TMEM11: variants seen among roughly 807,000 people sequenced by gnomAD.
The protein encoded by TMEM11 is transmembrane protein 11, also known as transmembrane protein 11, mitochondrial.
A neutral mutation model predicts 17.0 loss-of-function variants in TMEM11; 1 was observed. That is an observed-to-expected ratio of 0.06 (90% confidence interval 0.02 to 0.28). TMEM11 has a LOEUF of 0.28. Ranked by LOEUF, TMEM11 falls within the 10% of genes least tolerant of loss-of-function variation. The pLI, the probability that TMEM11 is intolerant of heterozygous loss-of-function variation, is 1.00. For missense variants in TMEM11, 172 were observed against 252.9 expected (o/e 0.68, Z 2.17); for synonymous variants, 122 against 118.1 (o/e 1.03, Z -0.21).
At chr17:21,211,287 C>T (rs1187734405) in intron 1 of TMEM11, 9 of 1,220,378 alleles carry the variant, frequency 7.4e-6, no homozygotes, top group Non-Finnish European at 9.7e-6. Flanking sequence ...TTGCTATTTC[C>T]ACCCCTCCTA....
At chr17:21,202,354 A>C (rs1974891299) in intron 1 of TMEM11, among the ~76,000 whole-genome samples, 1 of 152,114 alleles carries the variant, frequency 6.6e-6, no homozygotes, top group African/African-American at 2.4e-5. Context: ...CTCAAAGCAA[A>C]AGGGAGGTGT....
At chr17:21,206,291 G>A (rs1165903145) in intron 1 of TMEM11, among the ~76,000 whole-genome samples, 2 of 152,080 alleles carry the variant, frequency 1.3e-5, no homozygotes, top group African/African-American at 2.4e-5. Context: ...GCGCTATCTC[G>A]ACTCACTGCA....
At position 21,198,076 on chromosome 17, in the gene TMEM11, A is replaced by G. The variant is rs904758551; in HGVS notation, c.*248T>C. 6.0e-6 allele frequency: 3 copies of G among 501,240 alleles called. No homozygotes were observed. The East Asian group carries it at 9.8e-5, about 16-fold the overall frequency. 31.0% of individuals were successfully genotyped at this position (501,240 alleles called of 1,614,324 possible). On this transcript the variant is annotated 3_prime_UTR_variant, in exon 2 of 2. Coordinates refer to ENST00000317635, the MANE Select transcript of TMEM11 (RefSeq NM_003876.3). The surrounding 1 kb of genome is among the most constrained non-coding windows in gnomAD (Gnocchi z 6.5). ...CACCCCCTCGGCAGCGTCTGCCTCC[A>G]TCAGCATTCCACTGCCCAGTCGGAC...
At chr17:21,208,463 G>A (rs1470111416) in intron 1 of TMEM11, 3 of 152,148 alleles carry the variant, frequency 2.0e-5, no homozygotes, top group Non-Finnish European at 4.4e-5. Context: ...AACCTTCTCG[G>A]TGTCCATGAA....
At chr17:21,199,848 A>G (rs1974864070) in intron 1 of TMEM11, among the ~76,000 whole-genome samples, 1 of 152,194 alleles carries the variant, frequency 6.6e-6, no homozygotes, top group South Asian at 2.1e-4. Context: ...CTTTCCTTGA[A>G]TTAGGAAAAG....
chr17:21,209,523 T>C (rs922738763), intron 1 of TMEM11, among the ~76,000 whole-genome samples: 1 of 152,172 alleles, frequency 6.6e-6, no homozygotes, highest in African/African-American at 2.4e-5. Context: ...TCCCAGCACT[T>C]TGGGAGGCCA....
chr17:21,207,996 CTTTT>C (rs34994696), intron 1 of TMEM11, among the ~76,000 whole-genome samples: 2 of 129,850 alleles, frequency 1.5e-5, no homozygotes, highest in Admixed American at 1.5e-4. Flanking sequence ...AAAAGTGTTT[CTTTT>C]TTTTTTTTTT....
intron 1 of TMEM11, among the ~76,000 whole-genome samples, chr17:21,204,437 A>T (rs997745244): frequency 2.9e-5 from 2 of 67,962 alleles, no homozygotes; most frequent in African/African-American, 1.0e-4. Flanking sequence ...CGTCTCAATA[A>T]AAAAAAAAAA....
intron 1 of TMEM11, 103 bp downstream of exon 1, chr17:21,213,988 G>A (rs1481899233): frequency 4.4e-6 from 5 of 1,132,842 alleles, no homozygotes; most frequent in Non-Finnish European, 6.2e-6. Flanking sequence ...GGGGGAGCGC[G>A]GGGAAACCAG....
chr17:21,214,022 C>T, intron 1 of TMEM11, 69 bp downstream of exon 1: 1 of 1,469,402 alleles, frequency 6.8e-7, no homozygotes, highest in Non-Finnish European at 9.2e-7. Flanking sequence ...CTGCAGCCCT[C>T]GGAGGCCGCG....
rs1004043767 is a variant in TMEM11, at chr17:21,213,849, G to A, written c.62+242C>T. 18 of 511,732 alleles carry A rather than the reference G, an allele frequency of 3.5e-5. No individual in the cohort carries two copies. In the Admixed American group the frequency reaches 6.8e-4, roughly 19 times the overall value. 31.7% of individuals were successfully genotyped at this position (511,732 alleles called of 1,614,324 possible). A position where few individuals can be genotyped will look rare whatever the true frequency, so the allele number is the denominator to read the frequency against. ...CCCGGCCTCGGGCCCCGCCCCGCAT[G>A]GCCGCTGCCTACCTTACTCAGCCCG... is the stretch of plus-strand genomic sequence containing the variant. On this transcript the variant is annotated intron_variant, in intron 1 of 1. Coordinates refer to ENST00000317635, the MANE Select transcript of TMEM11 (RefSeq NM_003876.3).
chr17:21,201,238 C>A (rs8067798), intron 1 of TMEM11, among the ~76,000 whole-genome samples: 1,748 of 152,342 alleles, frequency 0.011, 42 homozygotes, highest in African/African-American at 0.04. Context: ...GGGTGGGAAC[C>A]ACTTTCATAA....
chr17:21,210,904 A>G (rs1373614061), intron 1 of TMEM11: 3 of 1,252,234 alleles, frequency 2.4e-6, no homozygotes, highest in African/African-American at 3.1e-5. Flanking sequence ...GATTATAAAA[A>G]CAGGAACTCA....
At chr17:21,204,245 C>T (rs1974917412) in intron 1 of TMEM11, among the ~76,000 whole-genome samples, 1 of 151,298 alleles carries the variant, frequency 6.6e-6, no homozygotes, top group Admixed American at 6.6e-5. Flanking sequence ...ACCAGCCTGG[C>T]TAACACGGTG....
intron 1 of TMEM11, chr17:21,211,048 G>A (rs560494883): frequency 1.0e-5 from 13 of 1,289,814 alleles, no homozygotes; most frequent in African/African-American, 3.0e-5. Flanking sequence ...GCTGGCACAC[G>A]GTGGCAGAAC....
chr17:21,201,806 T>A (rs1409972755), intron 1 of TMEM11, among the ~76,000 whole-genome samples: 2 of 152,072 alleles, frequency 1.3e-5, no homozygotes, highest in South Asian at 2.1e-4. Flanking sequence ...ATTAAAAAAA[T>A]TTTGTTGTAC....
rs746907195 is a variant in TMEM11, at chr17:21,198,327, T to A, written c.576A>T (p.Val192=). The A allele has an allele frequency of 1.2e-6, 2 of 1,609,110 alleles. No homozygotes were observed. Among genetic ancestry groups the A allele is most frequent in the South Asian group, 2.2e-5 (2 of 90,946 alleles). ...CVKKIYELYA[V] The stretch of plus-strand genomic sequence containing the variant: ...TTCGCTCCCTGTTCTACTGAAATCA[T>A]ACGGCATAGAGTTCGTAAATCTTCT... The change falls in exon 2 of 2, where the codon GTA becomes GTT. Residue 192 remains valine (V), a synonymous_variant. Coordinates refer to ENST00000317635, the MANE Select transcript of TMEM11 (RefSeq NM_003876.3). This position sits in a 1 kb window ranked among gnomAD's most constrained non-coding sequence, Gnocchi z 6.5.
rs1341135186 is a variant in TMEM11, at chr17:21,198,805, T to C, written c.98A>G (p.His33Arg). Residue 33 changes from histidine (H) to arginine (R), a missense_variant, in exon 2 of 2, where the codon CAT (histidine) becomes CGT (arginine). Transcript: ENST00000317635. This position sits in a 1 kb window ranked among gnomAD's most constrained non-coding sequence, Gnocchi z 6.5. ...SLSATDCYIV[H>R]EIYNGENAQD... ...GGCATTCTCCCCATTGTAGATCTCA[T>C]GCACAATGTAGCAGTCTGTGGCCGA... 8 of 1,613,154 alleles carry C rather than the reference T, an allele frequency of 5.0e-6. No individual in the cohort carries two copies. Among genetic ancestry groups the C allele is most frequent in the Admixed American group, 3.3e-5 (2 of 59,946 alleles).
intron 1 of TMEM11, 166 bp downstream of exon 1, chr17:21,213,925 C>T: frequency 1.5e-6 from 1 of 683,030 alleles, no homozygotes; most frequent in Non-Finnish European, 2.4e-6. Context: ...ACCTCGCTCC[C>T]ACCCGGATCC....
Sources: allele counts gnomAD v4.1 joint callset (sites outside exome capture counted in the v4.1 genomes callset), GRCh38; gene constraint gnomAD v4.1.1; non-coding constraint Gnocchi (gnomAD v3.1); transcripts MANE v1.5; gene names NCBI Gene and HGNC (gene_info 2026-07-23, HGNC 2026-07-21).